The following CRYBG1 variants were observed in gnomAD, a reference collection of about 807,000 sequenced individuals.
CRYBG1 encodes beta/gamma crystallin domain-containing protein 1.
Under a neutral mutation model 189.2 loss-of-function variants are expected in CRYBG1, and 139 were observed. That is an observed-to-expected ratio of 0.73 (90% confidence interval 0.64 to 0.85). The LOEUF is 0.85. Ranked by LOEUF, CRYBG1 falls within the 40% of genes least tolerant of loss-of-function variation. The pLI is 0.00. For synonymous variants in CRYBG1, 1,023 were observed against 1,017.1 expected, an observed-to-expected ratio of 1.01 and a Z score of -0.11; for missense variants, 2,611 against 2,675.8, an observed-to-expected ratio of 0.98 and a Z score of 0.53.
intron 10 of CRYBG1, among the ~76,000 whole-genome samples, chr6:106,542,543 G>T (rs1031164088): frequency 6.6e-6 from 1 of 150,922 alleles, no homozygotes; most frequent in Non-Finnish European, 1.5e-5. Flanking sequence ...GCCTCCCAAA[G>T]TGCTGGAATT....
chr6:106,375,927 A>G (rs558092319), intron 1 of CRYBG1, among the ~76,000 whole-genome samples: 2 of 152,254 alleles, frequency 1.3e-5, no homozygotes, highest in Non-Finnish European at 2.9e-5. Context: ...GCACAGTAAG[A>G]GATTAACAAT....
At chr6:106,494,446 T>G (rs1266278782) in intron 2 of CRYBG1, among the ~76,000 whole-genome samples, 1 of 152,152 alleles carries the variant, frequency 6.6e-6, no homozygotes, top group Non-Finnish European at 1.5e-5. Context: ...ATATTCACCA[T>G]CAACAATACG....
intron 7 of CRYBG1, 63 bp downstream of exon 7, chr6:106,527,533 G>A: frequency 6.6e-7 from 1 of 1,515,276 alleles, no homozygotes. Flanking sequence ...TTACTTTAAG[G>A]GAAATGATCA....
chr6:106,418,025 C>A (rs988978405), intron 1 of CRYBG1, among the ~76,000 whole-genome samples: 2 of 152,238 alleles, frequency 1.3e-5, no homozygotes, highest in African/African-American at 4.8e-5. Context: ...TTTCTGTGTA[C>A]CTGCACTCAG....
intron 1 of CRYBG1, among the ~76,000 whole-genome samples, chr6:106,391,714 G>A (rs930655938): frequency 6.6e-6 from 1 of 152,080 alleles, no homozygotes; most frequent in Non-Finnish European, 1.5e-5. Flanking sequence ...GGAGAGTGAG[G>A]GAGCTTTGCT....
Position 106,539,481 on chromosome 6 carries a change from C to T in CRYBG1, c.4797C>T (p.Phe1599=). 6.2e-7 allele frequency: 1 copy of T among 1,613,868 alleles called. No homozygotes were observed. The highest frequency in any genetic ancestry group is 8.5e-7 in the Non-Finnish European group (1 of 1,179,876). ...CTGGTGAATACCCTGACTTGTCCTT[C>T]TGGGATACAGAAGAAGCGTACATTG... ...LEPGEYPDLS[F]WDTEEAYIGS... Residue 1599 remains phenylalanine (F), a synonymous_variant, in exon 9 of 22, where the codon TTC becomes TTT. Transcript: ENST00000633556.
Position 106,519,118 on chromosome 6 carries a change from T to C in CRYBG1, c.1923-13T>C. On this transcript the variant is annotated splice_polypyrimidine_tract_variant and intron_variant, in intron 3 of 21. Coordinates refer to ENST00000633556, the MANE Select transcript of CRYBG1 (RefSeq NM_001371242.2). ...TAGGTCAATAACTTTATCTTCCTGC[T>C]TTTTCCTCACAGCCCTGCCAAGCCC... The C allele has an allele frequency of 6.3e-7, 1 of 1,589,874 alleles. No homozygotes were observed. Among genetic ancestry groups the C allele is most frequent in the Non-Finnish European group, 8.5e-7 (1 of 1,169,866 alleles).
At chr6:106,499,143 T>TTTTTTTTTTTTTTTC (rs1772927240) in intron 2 of CRYBG1, among the ~76,000 whole-genome samples, 1 of 128,300 alleles carries the variant, frequency 7.8e-6, no homozygotes, top group Non-Finnish European at 1.6e-5. Flanking sequence ...TTTGTTTGTT[T>TTTTTTTTTTTTTTTC]GTTTGTTTGT....
chr6:106,395,459 T>C (rs1395720274), intron 1 of CRYBG1, among the ~76,000 whole-genome samples: 1 of 152,022 alleles, frequency 6.6e-6, no homozygotes, highest in Non-Finnish European at 1.5e-5. Context: ...GTTTTTCCTT[T>C]TTTAACATAT....
rs1267716874 is a variant in CRYBG1, at chr6:106,511,920, C to T, written c.803C>T (p.Ala268Val). 89 of 1,524,556 alleles carry T rather than the reference C, an allele frequency of 5.8e-5. 1 individual carries two copies. In the East Asian group the frequency reaches 2.2e-3, roughly 37 times the overall value. The allele number at this position is 1,524,556 out of a possible 1,614,324, so 94.4% of individuals were successfully genotyped here. The change falls in exon 3 of 22, where the codon GCA (alanine) becomes GTA (valine). Residue 268 changes from alanine to valine, a missense_variant. This residue lies in a region of CRYBG1 where 985 missense variants were observed against 924.4 expected (regional missense o/e 1.07). Coordinates refer to ENST00000633556, the MANE Select transcript of CRYBG1 (RefSeq NM_001371242.2). Reference protein sequence around the residue: ...SPGNSSRQENAETPARSPGED... With the variant: ...SPGNSSRQENVETPARSPGED... Reference sequence around the variant, plus strand: ...GGAAATTCCTCCAGGCAAGAGAACGCAGAGACGCCCGCCCGCAGTCCGGGG... The same window carrying T: ...GGAAATTCCTCCAGGCAAGAGAACGTAGAGACGCCCGCCCGCAGTCCGGGG...
chr6:106,483,809 A>G (rs1001671932), intron 2 of CRYBG1, among the ~76,000 whole-genome samples: 3 of 152,126 alleles, frequency 2.0e-5, no homozygotes, highest in Non-Finnish European at 2.9e-5. Context: ...GGCCATTTGT[A>G]TGTCTTCTTT....
chr6:106,486,755 G>T (rs2114487618), intron 2 of CRYBG1, among the ~76,000 whole-genome samples: 1 of 151,926 alleles, frequency 6.6e-6, no homozygotes, highest in South Asian at 2.1e-4. Flanking sequence ...TTCACTTTTG[G>T]TTTCCATTTG....
chr6:106,540,370 A>G (rs1774102928), intron 9 of CRYBG1, among the ~76,000 whole-genome samples: 2 of 152,232 alleles, frequency 1.3e-5, no homozygotes, highest in Admixed American at 6.5e-5. Context: ...GAGACAAATT[A>G]GAAAGTTAGG....
intron 1 of CRYBG1, among the ~76,000 whole-genome samples, chr6:106,379,021 C>A (rs569615717): frequency 6.6e-6 from 1 of 151,952 alleles, no homozygotes; most frequent in African/African-American, 2.4e-5. Context: ...GTGGCAGGCG[C>A]CTGTAGTCCC....
intron 2 of CRYBG1, among the ~76,000 whole-genome samples, chr6:106,472,923 AAAG>A (rs1368621220): frequency 9.9e-5 from 15 of 151,602 alleles, no homozygotes; most frequent in African/African-American, 2.4e-4. Context: ...AAAAAAAAAA[AAAG>A]AAAGTATATT....
intron 1 of CRYBG1, among the ~76,000 whole-genome samples, chr6:106,432,842 T>TTTC (rs1554234952): frequency 2.1e-5 from 3 of 141,516 alleles, no homozygotes; most frequent in East Asian, 4.0e-4. Context: ...TTTTCTTTCT[T>TTTC]TTTTTTTTTT....
chr6:106,379,504 A>G (rs889491118), intron 1 of CRYBG1, among the ~76,000 whole-genome samples: 26 of 151,592 alleles, frequency 1.7e-4, no homozygotes, highest in Admixed American at 1.4e-3. Context: ...CTTGTGATCC[A>G]CCCGCCTCGG....
rs1315492337 is a variant in CRYBG1 at position 106,511,972 on chromosome 6, C to G, written c.855C>G (p.His285Gln). 1 of 1,529,086 alleles carries G rather than the reference C, an allele frequency of 6.5e-7. No homozygotes were observed. The highest frequency in any genetic ancestry group is 8.7e-7 in the Non-Finnish European group (1 of 1,142,862). The allele number at this position is 1,529,086 out of a possible 1,614,324, so 94.7% of individuals were successfully genotyped here. A position where few individuals can be genotyped will look rare whatever the true frequency, so the allele number is the denominator to read the frequency against. Reference protein sequence around the residue: ...PGEDASPGAGHEQEAFLGVRG... With the variant: ...PGEDASPGAGQEQEAFLGVRG... ...AGGACGCTTCACCAGGTGCTGGCCA[C>G]GAACAGGAGGCTTTCCTGGGTGTGA... Residue 285 changes from histidine (H) to glutamine (Q), a missense_variant, in exon 3 of 22, where the codon CAC becomes CAG. By Grantham distance (24) the His-to-Gln change is conservative (BLOSUM62 0). Transcript: ENST00000633556.
chr6:106,374,282 G>T (rs567944768), intron 1 of CRYBG1, among the ~76,000 whole-genome samples: 3 of 152,106 alleles, frequency 2.0e-5, no homozygotes, highest in Non-Finnish European at 2.9e-5. Flanking sequence ...AGCCTGGCAC[G>T]GTGGCTCATG....
Sources: allele counts gnomAD v4.1 joint callset (sites outside exome capture counted in the v4.1 genomes callset), GRCh38; gene constraint gnomAD v4.1.1; regional missense constraint gnomAD v4.1.1; transcripts MANE v1.5; gene names NCBI Gene and HGNC (gene_info 2026-07-23, HGNC 2026-07-21).